Variants in KCNQ1 observed in about 807,000 individuals in gnomAD.
KCNQ1 encodes potassium voltage-gated channel subfamily KQT member 1.
In KCNQ1, 49 loss-of-function variants were observed where a neutral mutation model predicts 72.4. The ratio of observed to expected loss-of-function variants is 0.68; its 90% CI spans 0.54 to 0.86. KCNQ1 has a LOEUF of 0.86. Ranked by LOEUF, KCNQ1 falls within the 40% of genes least tolerant of loss-of-function variation. The pLI, the probability that KCNQ1 is intolerant of heterozygous loss-of-function variation, is 0.00. For synonymous variants in KCNQ1, 450 were observed against 412.6 expected (o/e 1.09, Z -1.10); for missense variants, 790 against 945.1 (o/e 0.84, Z 2.15).
At chr11:2,583,199 G>A (rs543442792) in intron 6 of KCNQ1, among the ~76,000 whole-genome samples, 2 of 152,176 alleles carry the variant, frequency 1.3e-5, no homozygotes, top group East Asian at 1.9e-4. Context: ...GTGGGTGCTG[G>A]GCTCCTTACA....
intron 15 of KCNQ1, among the ~76,000 whole-genome samples, chr11:2,832,080 C>T (rs1010283939): frequency 2.0e-5 from 3 of 152,232 alleles, no homozygotes; most frequent in South Asian, 2.1e-4. Flanking sequence ...CCTGGGACAA[C>T]TGCCTAGACT....
At chr11:2,551,759 A>G (rs1847986702) in intron 2 of KCNQ1, among the ~76,000 whole-genome samples, 1 of 152,214 alleles carries the variant, frequency 6.6e-6, no homozygotes, top group Non-Finnish European at 1.5e-5. Flanking sequence ...TCTCACCAGC[A>G]CTTAGTATTG....
intron 1 of KCNQ1, among the ~76,000 whole-genome samples, chr11:2,503,557 G>A: frequency 7.2e-6 from 1 of 139,328 alleles, no homozygotes; most frequent in African/African-American, 2.6e-5. Context: ...GGGGGAGGGG[G>A]GAGGGATAGC....
intron 11 of KCNQ1, among the ~76,000 whole-genome samples, chr11:2,754,174 G>A (rs1204337179): frequency 6.6e-6 from 1 of 152,224 alleles, no homozygotes; most frequent in Non-Finnish European, 1.5e-5. Context: ...AACAAGTGTT[G>A]GCAAGGATGT....
intron 6 of KCNQ1, among the ~76,000 whole-genome samples, chr11:2,575,170 C>G (rs1449673932): frequency 1.3e-5 from 2 of 152,202 alleles, no homozygotes; most frequent in African/African-American, 4.8e-5. Flanking sequence ...CCCCAGCCCC[C>G]CAGCCCGCAG....
chr11:2,654,842 T>G lies in KCNQ1; in HGVS notation c.1394-7119T>G. ...GATAGGAGAGCTCTATGTAGCCTCA[T>G]GGGCAGCTCCAGGCCAGGTGGAGGG... On this transcript the variant is annotated intron_variant, in intron 10 of 15. Transcript: ENST00000155840. The surrounding 1 kb of genome is among the most constrained non-coding windows in gnomAD (Gnocchi z 6.4). The G allele has an allele frequency of 2.5e-6, 1 of 398,568 alleles. No homozygotes were observed. Among genetic ancestry groups the G allele is most frequent in the Non-Finnish European group, 4.4e-6 (1 of 226,078 alleles). 24.7% of individuals were successfully genotyped at this position (398,568 alleles called of 1,614,324 possible).
chr11:2,695,611 A>G lies in KCNQ1; in HGVS notation c.1514+33530A>G. The G allele has an allele frequency of 2.5e-6, 1 of 398,610 alleles. No individual in the cohort carries two copies. The highest frequency in any genetic ancestry group is 4.4e-6 in the Non-Finnish European group (1 of 226,070). The allele number at this position is 398,610 out of a possible 1,614,324, so 24.7% of individuals were successfully genotyped here. On this transcript the variant is annotated intron_variant, in intron 11 of 15. Coordinates refer to ENST00000155840, the MANE Select transcript of KCNQ1 (RefSeq NM_000218.3). This position sits in a 1 kb window ranked among gnomAD's most constrained non-coding sequence, Gnocchi z 5.2. Reference sequence around the variant, plus strand: ...TGTTCTGGGTGAGAACTGCTCCAGCATGTTTACTTAGGAGGGAAACTGCTG... The same window carrying G: ...TGTTCTGGGTGAGAACTGCTCCAGCGTGTTTACTTAGGAGGGAAACTGCTG...
rs182322022 is a variant in KCNQ1, at chr11:2,843,773, G to A, written c.1795-3994G>A. On this transcript the variant is annotated intron_variant, in intron 15 of 15. Transcript: ENST00000155840. ...TTGGGTTTGATCGCCGGCCGCCCGGGGCTCTCTAACTAGCTGTTATTCTAA... is the reference window on the plus strand; with the variant it reads ...TTGGGTTTGATCGCCGGCCGCCCGGAGCTCTCTAACTAGCTGTTATTCTAA... 2.6e-3 allele frequency among the ~76,000 whole-genome samples: 398 copies of A among 152,372 alleles called. 2 individuals are homozygous for A. The highest frequency in any genetic ancestry group is 3.9e-3 in the Non-Finnish European group (263 of 68,038).
intron 6 of KCNQ1, among the ~76,000 whole-genome samples, chr11:2,575,035 C>T (rs1417167114): frequency 6.6e-6 from 1 of 152,188 alleles, no homozygotes; most frequent in Non-Finnish European, 1.5e-5. Context: ...CAGTGAGGAG[C>T]TGGCGGTGCA....
chr11:2,495,125 T>C lies in KCNQ1; in HGVS notation c.387-32803T>C, dbSNP rs1439473177. ...TTCTAGATTTTCTAGTTTATTTGCA[T>C]GGAGGTGTTTTTAGTATTCTCTGAT... On this transcript the variant is annotated intron_variant, in intron 1 of 15. Transcript: ENST00000155840. This position sits in a 1 kb window ranked among gnomAD's most constrained non-coding sequence, Gnocchi z 4.6. Among the ~76,000 whole-genome samples the C allele has an allele frequency of 6.6e-6, 1 of 152,214 alleles. No homozygotes were observed. Among genetic ancestry groups the C allele is most frequent in the African/African-American group, 2.4e-5 (1 of 41,460 alleles).
Position 2,651,969 on chromosome 11 carries a change from C to G in KCNQ1, c.1394-9992C>G. On this transcript the variant is annotated intron_variant, in intron 10 of 15. Transcript: ENST00000155840. The surrounding 1 kb of genome is among the most constrained non-coding windows in gnomAD (Gnocchi z 6.1). ...AGCCAGCAGCAGTGGGGGAGCCAAG[C>G]TGAGTTGATTACTTTTGACATCAGT... 2.5e-6 allele frequency: 1 copy of G among 398,714 alleles called. No homozygotes were observed. 24.7% of individuals were successfully genotyped at this position (398,714 alleles called of 1,614,324 possible).
chr11:2,644,854 G>A, intron 10 of KCNQ1: 1 of 398,718 alleles, frequency 2.5e-6, no homozygotes, highest in East Asian at 3.6e-5. Flanking sequence ...TGTAGTTTAG[G>A]ATGCAGTTGT....
At chr11:2,586,237 GT>G (rs1848590268) in intron 8 of KCNQ1, among the ~76,000 whole-genome samples, 1 of 152,174 alleles carries the variant, frequency 6.6e-6, no homozygotes, top group African/African-American at 2.4e-5. Context: ...GCTGGCTGGC[GT>G]CCCCCCTGCA....
chr11:2,572,435 A>G (rs1309927400), intron 5 of KCNQ1, among the ~76,000 whole-genome samples: 1 of 152,204 alleles, frequency 6.6e-6, no homozygotes, highest in Non-Finnish European at 1.5e-5. Context: ...AGGCAGGGCC[A>G]CCAGACTCCC....
chr11:2,693,157 C>A, intron 11 of KCNQ1: 2 of 398,712 alleles, frequency 5.0e-6, no homozygotes, highest in Non-Finnish European at 8.8e-6. Context: ...AGTCTACACT[C>A]TGTGATCCAC....
In KCNQ1 at chr11:2,515,161, C is replaced by T. The variant is rs994087060; in HGVS notation, c.387-12767C>T. On this transcript the variant is annotated intron_variant, in intron 1 of 15. Coordinates refer to ENST00000155840, the MANE Select transcript of KCNQ1 (RefSeq NM_000218.3). This position sits in a 1 kb window ranked among gnomAD's most constrained non-coding sequence, Gnocchi z 4.7. The stretch of plus-strand genomic sequence containing the variant: ...TTATACTCAATAGGTAATTTTTCAA[C>T]CCTCCCCCTCTCACCCTCTCCACCT... Among the ~76,000 whole-genome samples the T allele has an allele frequency of 2.0e-5, 3 of 152,128 alleles. No homozygotes were observed. Among genetic ancestry groups the T allele is most frequent in the Non-Finnish European group, 2.9e-5 (2 of 68,008 alleles).
rs998044338 is a variant in KCNQ1, at chr11:2,813,993, T to G, written c.1795-33774T>G. 6.7e-6 allele frequency among the ~76,000 whole-genome samples: 1 copy of G among 149,180 alleles called. No individual in the cohort carries two copies. Among genetic ancestry groups the G allele is most frequent in the African/African-American group, 2.5e-5 (1 of 39,522 alleles). On this transcript the variant is annotated intron_variant, in intron 15 of 15. Transcript: ENST00000155840. This position sits in a 1 kb window ranked among gnomAD's most constrained non-coding sequence, Gnocchi z 4.4. ...AGAGATGGAGGGAAGGAGGGCTGAA[T>G]AAAGAAATGGATGGATGGATGGATG...
intron 15 of KCNQ1, among the ~76,000 whole-genome samples, chr11:2,833,601 G>A (rs11024277): frequency 0.014 from 2,098 of 152,316 alleles, 19 homozygotes; most frequent in Admixed American, 0.021. Flanking sequence ...TGGGTTCCTG[G>A]GGTGGGCAGG....
chr11:2,693,014 T>C (rs1262024674), intron 11 of KCNQ1: 1 of 398,498 alleles, frequency 2.5e-6, no homozygotes, highest in Admixed American at 4.4e-5. Context: ...GCACGCTCAG[T>C]GAAGGAACAG....
Sources: gnomAD v4.1 joint callset for allele counts (sites outside exome capture counted in the v4.1 genomes callset) on GRCh38, gnomAD v4.1.1 for gene constraint, Gnocchi (gnomAD v3.1) non-coding constraint, MANE v1.5 for transcripts, NCBI Gene and HGNC (gene_info 2026-07-23, HGNC 2026-07-21) for gene names.